EVI5: variants seen among roughly 807,000 people sequenced by gnomAD.
EVI5 encodes ecotropic viral integration site 5 protein homolog.
Under a neutral mutation model 112.0 loss-of-function variants are expected in EVI5, and 73 were observed. The ratio of observed to expected loss-of-function variants is 0.65; its 90% CI spans 0.54 to 0.79. The LOEUF is 0.79. Among genes scored for constraint, EVI5 ranks in the 30% least tolerant of loss-of-function variants. The pLI, the probability that EVI5 is intolerant of heterozygous loss-of-function variation, is 0.00. For missense variants in EVI5, 900 were observed against 968.8 expected (o/e 0.93, Z 0.94); for synonymous variants, 305 against 319.9 (o/e 0.95, Z 0.50).
intron 4 of EVI5, 70 bp from the exon 5 acceptor site, chr1:92,702,285 T>C (rs1558106064): frequency 2.6e-6 from 2 of 763,314 alleles, no homozygotes; most frequent in Non-Finnish European, 4.3e-6. Flanking sequence ...AAACCTAAAA[T>C]TGGCAAGACA....
chr1:92,695,662 A>G (rs1276632275), intron 6 of EVI5, among the ~76,000 whole-genome samples: 1 of 152,176 alleles, frequency 6.6e-6, no homozygotes, highest in African/African-American at 2.4e-5. Context: ...AATTTTGAGT[A>G]TAACATTTAA....
intron 16 of EVI5, among the ~76,000 whole-genome samples, chr1:92,623,387 C>T (rs558038276): frequency 6.6e-6 from 1 of 152,090 alleles, no homozygotes; most frequent in African/African-American, 2.4e-5. Flanking sequence ...TAAGTATGCC[C>T]CCTACTGACT....
In EVI5 at chr1:92,792,313, T is replaced by C. The variant is rs200105864; in HGVS notation, c.51+31A>G. On this transcript the variant is annotated intron_variant, in intron 1 of 17. Transcript: ENST00000370331. ...GCAATTACATTTTTATAAGTTTTAA[T>C]ATAAAATCAAACATCGTTTTACACA... 838 of 1,434,906 alleles carry C rather than the reference T, an allele frequency of 5.8e-4. 1 individual carries two copies. Among genetic ancestry groups the C allele is most frequent in the Non-Finnish European group, 7.9e-4 (808 of 1,018,606 alleles). The allele number at this position is 1,434,906 out of a possible 1,614,324, so 88.9% of individuals were successfully genotyped here.
chr1:92,618,166 C>A (rs1653651647), intron 16 of EVI5, among the ~76,000 whole-genome samples: 1 of 152,148 alleles, frequency 6.6e-6, no homozygotes, highest in South Asian at 2.1e-4. Flanking sequence ...TACTGTTTCT[C>A]CCATAGCCAC....
intron 2 of EVI5, among the ~76,000 whole-genome samples, chr1:92,728,645 C>T (rs1193437237): frequency 6.6e-6 from 1 of 152,194 alleles, no homozygotes; most frequent in Non-Finnish European, 1.5e-5. Flanking sequence ...ACCTTGGCCT[C>T]CCAAAGTGCT....
chr1:92,532,383 G>A (rs116352193), intron 19 of EVI5, among the ~76,000 whole-genome samples: 3,092 of 152,230 alleles, frequency 0.02, 118 homozygotes, highest in African/African-American at 0.07. Flanking sequence ...CAATAAGACA[G>A]AAAATGAACA....
At chr1:92,570,309 T>C (rs1292918888) in intron 18 of EVI5, among the ~76,000 whole-genome samples, 1 of 152,094 alleles carries the variant, frequency 6.6e-6, no homozygotes, top group East Asian at 1.9e-4. Flanking sequence ...TTTTTTTTTT[T>C]TTTTGGCGGG....
At chr1:92,727,199 G>A (rs1191293168) in intron 2 of EVI5, among the ~76,000 whole-genome samples, 1 of 152,150 alleles carries the variant, frequency 6.6e-6, no homozygotes, top group East Asian at 1.9e-4. Context: ...ACCAGGGGCT[G>A]GAAGGAAGGT....
chr1:92,644,226 T>TTAAA (rs1660522777), intron 13 of EVI5, among the ~76,000 whole-genome samples: 1 of 152,206 alleles, frequency 6.6e-6, no homozygotes, highest in Admixed American at 6.5e-5. Flanking sequence ...ATCATGTGCC[T>TTAAA]TCCTGATTTA....
At chr1:92,518,433 A>G (rs1411649839) in intron 19 of EVI5, among the ~76,000 whole-genome samples, 1 of 152,170 alleles carries the variant, frequency 6.6e-6, no homozygotes. Context: ...AATTTTTAGT[A>G]AAAGACTCCT....
At chr1:92,652,876 A>G (rs1235273147) in intron 13 of EVI5, among the ~76,000 whole-genome samples, 4 of 152,206 alleles carry the variant, frequency 2.6e-5, no homozygotes, top group African/African-American at 4.8e-5. Context: ...AGAAGGAAGC[A>G]AGAAGCTGGC....
At position 92,651,850 on chromosome 1, in the gene EVI5, C is replaced by CA. The variant is rs35991116; in HGVS notation, c.1392+10868dup. Reference sequence around the variant, plus strand: ...TGGGCGACAGAGCGAGACTCCGTCTCAAAAAAAAAAAAAAAAGAAAGAAAT... The same window carrying CA: ...TGGGCGACAGAGCGAGACTCCGTCTCAAAAAAAAAAAAAAAAAGAAAGAAAT... On this transcript the variant is annotated intron_variant, in intron 13 of 19. Transcript: ENST00000684568. Among the ~76,000 whole-genome samples the CA allele has an allele frequency of 3.8e-3, 346 of 90,556 alleles. 5 individuals carry two copies. Among genetic ancestry groups the CA allele is most frequent in the African/African-American group, 0.017 (298 of 17,040 alleles). The allele number at this position is 90,556 out of a possible 152,430, so 59.4% of individuals were successfully genotyped here. A position where few individuals can be genotyped will look rare whatever the true frequency, so the allele number is the denominator to read the frequency against.
intron 1 of EVI5, among the ~76,000 whole-genome samples, chr1:92,748,521 T>A (rs1679665432): frequency 6.6e-6 from 1 of 152,196 alleles, no homozygotes; most frequent in Non-Finnish European, 1.5e-5. Flanking sequence ...TTGAAGCCAT[T>A]AAGTTTCATG....
chr1:92,570,354 G>C (rs1379037624), intron 18 of EVI5, among the ~76,000 whole-genome samples: 2 of 152,066 alleles, frequency 1.3e-5, no homozygotes, highest in African/African-American at 4.8e-5. Context: ...TTGGTATGAG[G>C]TCATACTCAC....
chr1:92,689,389 G>T (rs953385346), intron 9 of EVI5, among the ~76,000 whole-genome samples: 2 of 152,024 alleles, frequency 1.3e-5, no homozygotes, highest in Admixed American at 6.6e-5. Context: ...TTTAGACAGG[G>T]TCTCACTCTG....
At chr1:92,679,648 ATAAT>A (rs1456291033) in intron 9 of EVI5, among the ~76,000 whole-genome samples, 4 of 152,362 alleles carry the variant, frequency 2.6e-5, no homozygotes. Context: ...GTACATTGTT[ATAAT>A]TAATGAACCA....
At chr1:92,699,995 A>G (rs1312115195) in intron 5 of EVI5, among the ~76,000 whole-genome samples, 1 of 152,216 alleles carries the variant, frequency 6.6e-6, no homozygotes, top group Admixed American at 6.5e-5. Context: ...TTTAAAAAAT[A>G]AGTTGAGGTA....
At chr1:92,784,498 G>A (rs1685333303) in intron 1 of EVI5, 2 of 905,606 alleles carry the variant, frequency 2.2e-6, no homozygotes, top group South Asian at 5.1e-5. Flanking sequence ...CGAGGGTGGG[G>A]TGCAGGGTCA....
At position 92,565,948 on chromosome 1, in the gene EVI5, C is replaced by CAAA. The variant is rs71586755; in HGVS notation, c.2071-2214_2071-2212dup. ...TTGCGCCACTGCATTCCAGCCCGAG[C>CAAA]AAAAAAAAAAAAAAAAAAAAGAAAT... On this transcript the variant is annotated intron_variant, in intron 18 of 19. Coordinates refer to ENST00000684568, the MANE Select transcript of EVI5 (RefSeq NM_001350197.2). 2.4e-3 allele frequency among the ~76,000 whole-genome samples: 122 copies of CAAA among 51,860 alleles called. 5 individuals carry two copies. The highest frequency in any genetic ancestry group is 0.022 in the Middle Eastern group (1 of 46). 34.0% of individuals were successfully genotyped at this position (51,860 alleles called of 152,430 possible).
Sources: allele counts gnomAD v4.1 joint callset (sites outside exome capture counted in the v4.1 genomes callset), GRCh38; gene constraint gnomAD v4.1.1; transcripts MANE v1.5; gene names NCBI Gene and HGNC (gene_info 2026-07-23, HGNC 2026-07-21).